Variants in IMMP2L observed in about 807,000 individuals in gnomAD.
The protein encoded by IMMP2L is inner mitochondrial membrane peptidase subunit 2.
In IMMP2L, 18 loss-of-function variants were observed where a neutral mutation model predicts 19.3. The ratio of observed to expected loss-of-function variants is 0.93; its 90% CI spans 0.64 to 1.38. IMMP2L has a LOEUF of 1.38. IMMP2L is among the 40% of genes most tolerant of loss of function. IMMP2L has a pLI of 0.00. For synonymous variants in IMMP2L, 76 were observed against 73.0 expected, an observed-to-expected ratio of 1.04 and a Z score of -0.21; for missense variants, 233 against 218.2, an observed-to-expected ratio of 1.07 and a Z score of -0.43.
At chr7:111,471,111 T>A (rs1841225132) in intron 3 of IMMP2L, among the ~76,000 whole-genome samples, 1 of 152,022 alleles carries the variant, frequency 6.6e-6, no homozygotes, top group Non-Finnish European at 1.5e-5. Context: ...CAAAGAGTTT[T>A]TGTAGAATAT....
intron 3 of IMMP2L, among the ~76,000 whole-genome samples, chr7:111,218,011 T>C (rs891785470): frequency 2.0e-5 from 3 of 152,226 alleles, no homozygotes; most frequent in African/African-American, 7.2e-5. Flanking sequence ...CGGAAAATGC[T>C]ATTGCCTTTT....
intron 3 of IMMP2L, among the ~76,000 whole-genome samples, chr7:111,294,224 A>G (rs1821396671): frequency 6.6e-6 from 1 of 151,920 alleles, no homozygotes; most frequent in Admixed American, 6.6e-5. Flanking sequence ...GCCCAGGGCT[A>G]ACAAAAGTAT....
At chr7:111,137,799 T>C (rs1802489957) in intron 3 of IMMP2L, among the ~76,000 whole-genome samples, 1 of 152,174 alleles carries the variant, frequency 6.6e-6, no homozygotes, top group Admixed American at 6.5e-5. Flanking sequence ...TCAGTTAAAG[T>C]ACAGATGTAT....
Position 110,945,950 on chromosome 7 carries a change from G to C in IMMP2L, c.305+17550C>G, listed in dbSNP as rs140345787. ...GCAGCTCACTTGAAGACGACTTTGA[G>C]ATTTGTGATCTAGAATGTTCCAACC... On this transcript the variant is annotated intron_variant, in intron 4 of 5. Transcript: ENST00000405709. Among the ~76,000 whole-genome samples, 568 of 152,280 alleles carry C rather than the reference G, an allele frequency of 3.7e-3. 6 individuals are homozygous for C. The highest frequency in any genetic ancestry group is 0.013 in the African/African-American group (538 of 41,548).
intron 3 of IMMP2L, among the ~76,000 whole-genome samples, chr7:111,439,868 C>G (rs1837550158): frequency 1.3e-5 from 2 of 151,930 alleles, no homozygotes; most frequent in African/African-American, 4.9e-5. Flanking sequence ...CCTGTCACTG[C>G]TTTACCACCT....
chr7:111,339,993 T>C (rs1178711398), intron 3 of IMMP2L, among the ~76,000 whole-genome samples: 1 of 152,022 alleles, frequency 6.6e-6, no homozygotes, highest in Non-Finnish European at 1.5e-5. Flanking sequence ...ATCAATTCTT[T>C]GTAGATCACT....
chr7:111,227,691 A>C (rs946743855), intron 3 of IMMP2L, among the ~76,000 whole-genome samples: 7 of 152,294 alleles, frequency 4.6e-5, no homozygotes, highest in South Asian at 2.1e-4. Flanking sequence ...CTAATATGGC[A>C]ACCACACAAT....
At chr7:111,212,296 C>T (rs969060183) in intron 3 of IMMP2L, among the ~76,000 whole-genome samples, 1 of 151,892 alleles carries the variant, frequency 6.6e-6, no homozygotes, top group African/African-American at 2.4e-5. Flanking sequence ...GAGCAAACAA[C>T]TTTTTCCTTC....
intron 3 of IMMP2L, among the ~76,000 whole-genome samples, chr7:111,338,501 TCAAA>T (rs1160716090): frequency 1.3e-5 from 2 of 152,078 alleles, no homozygotes; most frequent in Non-Finnish European, 2.9e-5. Flanking sequence ...ATGCCATAAA[TCAAA>T]CAATCATATA....
At chr7:111,006,814 A>C (rs951932473) in intron 3 of IMMP2L, among the ~76,000 whole-genome samples, 4 of 152,146 alleles carry the variant, frequency 2.6e-5, no homozygotes, top group African/African-American at 4.8e-5. Flanking sequence ...TACCTAGCCA[A>C]GCAAACCACT....
chr7:111,200,608 A>AAAAAG (rs113698659), intron 3 of IMMP2L, among the ~76,000 whole-genome samples: 2 of 151,456 alleles, frequency 1.3e-5, no homozygotes, highest in Non-Finnish European at 1.5e-5. Flanking sequence ...TGCTGGAAAA[A>AAAAAG]AAAGAAACAG....
At chr7:111,301,225 T>C (rs1822203408) in intron 3 of IMMP2L, among the ~76,000 whole-genome samples, 1 of 152,168 alleles carries the variant, frequency 6.6e-6, no homozygotes, top group African/African-American at 2.4e-5. Flanking sequence ...ATTGTACTTA[T>C]TTGTCATCTG....
At chr7:111,303,676 A>G (rs1223566008) in intron 3 of IMMP2L, among the ~76,000 whole-genome samples, 4 of 152,102 alleles carry the variant, frequency 2.6e-5, no homozygotes, top group Non-Finnish European at 5.9e-5. Flanking sequence ...TTCAAAACTG[A>G]GTTGACAGTT....
intron 3 of IMMP2L, among the ~76,000 whole-genome samples, chr7:111,440,375 G>T (rs1035319273): frequency 1.3e-5 from 2 of 151,890 alleles, no homozygotes; most frequent in African/African-American, 2.4e-5. Flanking sequence ...TGATCCTTGA[G>T]CAACAGGATG....
intron 4 of IMMP2L, among the ~76,000 whole-genome samples, chr7:110,947,094 A>G (rs889933949): frequency 6.6e-6 from 1 of 152,206 alleles, no homozygotes; most frequent in African/African-American, 2.4e-5. Flanking sequence ...AAATGCATAA[A>G]ATATTCATTC....
intron 3 of IMMP2L, among the ~76,000 whole-genome samples, chr7:111,111,586 A>C (rs1027913248): frequency 6.6e-6 from 1 of 152,106 alleles, no homozygotes; most frequent in African/African-American, 2.4e-5. Context: ...TAGTAGTCAA[A>C]TATTATAAAC....
intron 2 of IMMP2L, among the ~76,000 whole-genome samples, chr7:111,500,099 C>T (rs1180234555): frequency 6.6e-6 from 1 of 152,100 alleles, no homozygotes; most frequent in Admixed American, 6.6e-5. Context: ...TCGGGTCACT[C>T]CCACCCTAAT....
At position 111,421,924 on chromosome 7, in the gene IMMP2L, C is replaced by T. The variant is rs182186887; in HGVS notation, c.239+65314G>A. On this transcript the variant is annotated intron_variant, in intron 3 of 5. Transcript: ENST00000405709. ...AAGGGGTTAGGAAGGGATCCAGTTT[C>T]AGCTTTCTACATACAGCTAGCCAGT... Among the ~76,000 whole-genome samples, 138 of 151,940 alleles carry T rather than the reference C, an allele frequency of 9.1e-4. 5 individuals carry two copies. Among genetic ancestry groups the T allele is most frequent in the African/African-American group, 3.2e-3 (134 of 41,244 alleles).
At chr7:111,380,215 C>T (rs188880107) in intron 3 of IMMP2L, among the ~76,000 whole-genome samples, 6 of 151,908 alleles carry the variant, frequency 3.9e-5, no homozygotes, top group South Asian at 2.1e-4. Flanking sequence ...ATGAAGGCCC[C>T]GCCATGAGAG....
Sources: allele counts gnomAD v4.1 joint callset (sites outside exome capture counted in the v4.1 genomes callset), GRCh38; gene constraint gnomAD v4.1.1; transcripts MANE v1.5; gene names NCBI Gene and HGNC (gene_info 2026-07-23, HGNC 2026-07-21).